Variants in RNF24 observed in about 807,000 individuals in gnomAD.
RNF24 encodes the protein ring finger protein 24.
A neutral mutation model predicts 20.0 loss-of-function variants in RNF24; 14 were observed. The observed-to-expected ratio is 0.70, with a 90% CI of 0.46 to 1.10. The LOEUF is 1.10. Ranked by LOEUF, RNF24 falls within the 50% of genes least tolerant of loss-of-function variation. The pLI, the probability that RNF24 is intolerant of heterozygous loss-of-function variation, is 0.00. For synonymous variants in RNF24, 45 were observed against 61.1 expected (o/e 0.74, Z 1.23); for missense variants, 124 against 177.6 (o/e 0.70, Z 1.71).
chr20:3,999,583 C>T (rs1473201929), intron 1 of RNF24, among the ~76,000 whole-genome samples: 1 of 152,048 alleles, frequency 6.6e-6, no homozygotes, highest in African/African-American at 2.4e-5. Flanking sequence ...GGAGAAACCC[C>T]ATCTCTACCA....
chr20:3,980,890 C>G (rs1169258982), intron 1 of RNF24, among the ~76,000 whole-genome samples: 1 of 151,484 alleles, frequency 6.6e-6, no homozygotes, highest in Non-Finnish European at 1.5e-5. Flanking sequence ...TCCATTCTTA[C>G]ACGGCAAAAA....
intron 2 of RNF24, among the ~76,000 whole-genome samples, chr20:3,962,488 T>G (rs947725988): frequency 5.9e-5 from 9 of 152,134 alleles, no homozygotes; most frequent in Non-Finnish European, 1.2e-4. Context: ...TACCTCATTT[T>G]TTTTTCTTTC....
At chr20:3,954,097 T>C (rs1426943600) in intron 2 of RNF24, among the ~76,000 whole-genome samples, 2 of 152,162 alleles carry the variant, frequency 1.3e-5, no homozygotes, top group African/African-American at 4.8e-5. Flanking sequence ...TTATTTTTAC[T>C]CACATTACAA....
At chr20:4,002,682 T>C (rs887860168) in intron 1 of RNF24, among the ~76,000 whole-genome samples, 1 of 152,220 alleles carries the variant, frequency 6.6e-6, no homozygotes, top group Non-Finnish European at 1.5e-5. Context: ...ATGGAAAATA[T>C]CATTTTTTCC....
intron 1 of RNF24, among the ~76,000 whole-genome samples, chr20:3,997,309 C>G (rs1207727918): frequency 6.6e-6 from 1 of 151,610 alleles, no homozygotes; most frequent in African/African-American, 2.4e-5. Flanking sequence ...TCACTCACAG[C>G]TGAAACCTTC....
At chr20:3,965,578 C>T (rs2091248891) in intron 1 of RNF24, among the ~76,000 whole-genome samples, 1 of 152,146 alleles carries the variant, frequency 6.6e-6, no homozygotes, top group South Asian at 2.1e-4. Flanking sequence ...ATTTAATTTC[C>T]TTTTTCCTAC....
intron 1 of RNF24, among the ~76,000 whole-genome samples, chr20:3,985,823 C>T (rs369406142): frequency 2.6e-4 from 39 of 151,686 alleles, no homozygotes; most frequent in African/African-American, 8.5e-4. Flanking sequence ...CTCCTACCTC[C>T]GCCTCCTGGG....
At chr20:4,014,776 C>T (rs896812125) in intron 1 of RNF24, among the ~76,000 whole-genome samples, 2 of 144,948 alleles carry the variant, frequency 1.4e-5, no homozygotes, top group Non-Finnish European at 3.0e-5. Context: ...CACACACACA[C>T]ATCATTAGGT....
chr20:4,013,415 C>G (rs1002900230), intron 1 of RNF24, among the ~76,000 whole-genome samples: 1 of 152,202 alleles, frequency 6.6e-6, no homozygotes. Context: ...TACAATTATT[C>G]ATATCATCCA....
rs1312481886 is a variant in RNF24 at position 3,960,181 on chromosome 20, AC to A, written c.143+3693del. 1.5e-4 allele frequency among the ~76,000 whole-genome samples: 23 copies of A among 152,264 alleles called. 1 individual carries two copies. The highest frequency in any genetic ancestry group is 3.4e-3 in the Middle Eastern group (1 of 294). On this transcript the variant is annotated intron_variant, in intron 2 of 5. Coordinates refer to ENST00000358395, the MANE Select transcript of RNF24 (RefSeq NM_001134337.3). ...GTGACTGGAGGGAGCTCTCTGGAGA[AC>A]AGAAGAACCTCCTGGGAAGGTGCTG... is the stretch of plus-strand genomic sequence containing the variant.
chr20:3,976,438 T>C (rs1327387542), intron 1 of RNF24, among the ~76,000 whole-genome samples: 1 of 152,210 alleles, frequency 6.6e-6, no homozygotes. Flanking sequence ...GAATATAATA[T>C]GGTATAGCCA....
At chr20:3,989,734 T>C (rs1022134121) in intron 1 of RNF24, among the ~76,000 whole-genome samples, 2 of 152,154 alleles carry the variant, frequency 1.3e-5, no homozygotes, top group Non-Finnish European at 2.9e-5. Flanking sequence ...AACATTTTAC[T>C]GATGGTGTGA....
At chr20:3,938,016 T>C (rs1459287857) in intron 4 of RNF24, among the ~76,000 whole-genome samples, 4 of 152,226 alleles carry the variant, frequency 2.6e-5, no homozygotes, top group Non-Finnish European at 1.5e-5. Flanking sequence ...TATGTTTACC[T>C]TTTTGAGGAG....
intron 4 of RNF24, among the ~76,000 whole-genome samples, chr20:3,942,770 G>A (rs760850721): frequency 4.0e-5 from 6 of 151,742 alleles, no homozygotes; most frequent in Non-Finnish European, 8.8e-5. Context: ...ACCGCGCCTG[G>A]CCTGGACAAA....
At chr20:3,969,489 A>T (rs1349801188) in intron 1 of RNF24, among the ~76,000 whole-genome samples, 1 of 150,888 alleles carries the variant, frequency 6.6e-6, no homozygotes, top group East Asian at 1.9e-4. Flanking sequence ...GCAAACAAGA[A>T]TGTCAACAGG....
intron 1 of RNF24, among the ~76,000 whole-genome samples, chr20:4,003,475 A>T (rs1981583706): frequency 6.6e-6 from 1 of 152,174 alleles, no homozygotes. Context: ...TTTTCCAGAA[A>T]CATCTTCAAA....
chr20:3,964,443 TGA>T (rs1017300348), intron 1 of RNF24, among the ~76,000 whole-genome samples: 5 of 152,190 alleles, frequency 3.3e-5, no homozygotes, highest in African/African-American at 1.2e-4. Flanking sequence ...TAGAAATAAC[TGA>T]GATATCTCAC....
At chr20:4,008,551 T>C (rs182509734) in intron 1 of RNF24, among the ~76,000 whole-genome samples, 2,435 of 123,224 alleles carry the variant, frequency 0.02, 50 homozygotes, top group Middle Eastern at 0.037. Context: ...ATTATATATA[T>C]ATATATTTTT....
At chr20:3,993,433 C>T (rs1980616804) in intron 1 of RNF24, among the ~76,000 whole-genome samples, 1 of 152,106 alleles carries the variant, frequency 6.6e-6, no homozygotes, top group Admixed American at 6.6e-5. Flanking sequence ...ATTACAGGAG[C>T]CCGTCACCAC....
Sources: gnomAD v4.1 joint callset for allele counts (sites outside exome capture counted in the v4.1 genomes callset) on GRCh38, gnomAD v4.1.1 for gene constraint, MANE v1.5 for transcripts, NCBI Gene and HGNC (gene_info 2026-07-23, HGNC 2026-07-21) for gene names.